The following DENND5B variants were observed in gnomAD, a reference collection of about 807,000 sequenced individuals.
DENND5B encodes the protein DENN domain-containing protein 5B.
In DENND5B, 34 loss-of-function variants were observed where a neutral mutation model predicts 140.6. The ratio of observed to expected loss-of-function variants is 0.24; its 90% CI spans 0.18 to 0.32. DENND5B has a LOEUF of 0.32. DENND5B is among the 10% of genes least tolerant of loss of function. The pLI, the probability that DENND5B is intolerant of heterozygous loss-of-function variation, is 1.00. For missense variants in DENND5B, 1,142 were observed against 1,560.2 expected (o/e 0.73, Z 4.52); for synonymous variants, 551 against 562.1 (o/e 0.98, Z 0.28).
intron 1 of DENND5B, among the ~76,000 whole-genome samples, chr12:31,499,107 A>C (rs1946900656): frequency 6.6e-6 from 1 of 152,116 alleles, no homozygotes; most frequent in East Asian, 1.9e-4. Context: ...TTCTCATTTT[A>C]AACACAAGTT....
chr12:31,443,746 G>A (rs1709013276), intron 6 of DENND5B: 1 of 152,176 alleles, frequency 6.6e-6, no homozygotes, highest in Admixed American at 6.5e-5. Flanking sequence ...AAGGAACGGT[G>A]TGAAGTTTAT....
intron 7 of DENND5B, among the ~76,000 whole-genome samples, chr12:31,438,082 T>A (rs555528193): frequency 6.6e-6 from 1 of 152,272 alleles, no homozygotes; most frequent in Non-Finnish European, 1.5e-5. Context: ...CTCAAGTGAT[T>A]CTCCTGCCTC....
intron 3 of DENND5B, among the ~76,000 whole-genome samples, chr12:31,473,445 T>C (rs1252869376): frequency 6.6e-6 from 1 of 152,238 alleles, no homozygotes; most frequent in Admixed American, 6.5e-5. Flanking sequence ...AGTGTCAATC[T>C]ACCCTTCAAG....
chr12:31,473,769 C>CT (rs1458870215), intron 3 of DENND5B, among the ~76,000 whole-genome samples: 1 of 152,170 alleles, frequency 6.6e-6, no homozygotes, highest in Non-Finnish European at 1.5e-5. Context: ...GAAAAACACT[C>CT]TAATGGGAGA....
chr12:31,446,728 T>C (rs1944290030), intron 6 of DENND5B, among the ~76,000 whole-genome samples: 1 of 151,016 alleles, frequency 6.6e-6, no homozygotes, highest in Non-Finnish European at 1.5e-5. Context: ...ACCCCGTCTC[T>C]ACTGAAAATT....
intron 1 of DENND5B, among the ~76,000 whole-genome samples, chr12:31,498,089 T>C (rs1591928158): frequency 6.6e-6 from 1 of 152,164 alleles, no homozygotes. Context: ...AAGCTGCTGA[T>C]AGTGTACTGA....
At chr12:31,579,679 A>C (rs1950145917) in intron 1 of DENND5B, among the ~76,000 whole-genome samples, 1 of 144,396 alleles carries the variant, frequency 6.9e-6, no homozygotes, top group Non-Finnish European at 1.5e-5. Flanking sequence ...ACACAGCGAG[A>C]TTCTGAGAAA....
At chr12:31,577,767 T>C (rs977886702) in intron 1 of DENND5B, among the ~76,000 whole-genome samples, 3 of 145,936 alleles carry the variant, frequency 2.1e-5, no homozygotes, top group Non-Finnish European at 4.5e-5. Context: ...GTTTAAAATC[T>C]AGAGGTCCAC....
intron 3 of DENND5B, among the ~76,000 whole-genome samples, chr12:31,463,399 A>G (rs189236799): frequency 2.6e-5 from 4 of 152,356 alleles, no homozygotes; most frequent in Admixed American, 6.5e-5. Context: ...CTCTGTGGCC[A>G]TCATTTCAAC....
chr12:31,553,494 A>G (rs1592037399), intron 1 of DENND5B, among the ~76,000 whole-genome samples: 1 of 152,102 alleles, frequency 6.6e-6, no homozygotes, highest in South Asian at 2.1e-4. Flanking sequence ...TATGTAGTCA[A>G]TTTTGGAGTA....
intron 11 of DENND5B, among the ~76,000 whole-genome samples, chr12:31,416,335 C>A (rs538307185): frequency 7.2e-5 from 11 of 151,954 alleles, no homozygotes; most frequent in African/African-American, 2.7e-4. Flanking sequence ...GTGATCTTGG[C>A]TCACTGCAAC....
At chr12:31,551,847 A>G (rs1949073771) in intron 1 of DENND5B, among the ~76,000 whole-genome samples, 1 of 152,238 alleles carries the variant, frequency 6.6e-6, no homozygotes, top group South Asian at 2.1e-4. Context: ...GAGTTCACTC[A>G]TGATTTGGCT....
At chr12:31,414,190 A>C (rs779293697) in intron 12 of DENND5B, among the ~76,000 whole-genome samples, 2 of 152,066 alleles carry the variant, frequency 1.3e-5, no homozygotes, top group Non-Finnish European at 2.9e-5. Flanking sequence ...CAGCCTCCCA[A>C]AGTGCATGAC....
intron 1 of DENND5B, among the ~76,000 whole-genome samples, chr12:31,512,009 T>C (rs1947440534): frequency 7.2e-6 from 1 of 138,396 alleles, no homozygotes; most frequent in Admixed American, 8.1e-5. Context: ...CTCTGCCTCC[T>C]GGGTTCAAGC....
At chr12:31,576,001 C>A (rs1950000766) in intron 1 of DENND5B, among the ~76,000 whole-genome samples, 1 of 151,464 alleles carries the variant, frequency 6.6e-6, no homozygotes, top group Admixed American at 6.6e-5. Flanking sequence ...GTTAACCAGG[C>A]ATGGTGGCAC....
intron 4 of DENND5B, among the ~76,000 whole-genome samples, chr12:31,459,728 A>G (rs1273300173): frequency 6.6e-6 from 1 of 152,202 alleles, no homozygotes; most frequent in African/African-American, 2.4e-5. Context: ...CTTGTATCTG[A>G]AAACAGAGAA....
At chr12:31,502,068 G>C (rs995541893) in intron 1 of DENND5B, among the ~76,000 whole-genome samples, 1 of 152,078 alleles carries the variant, frequency 6.6e-6, no homozygotes, top group African/African-American at 2.4e-5. Context: ...TGTAATCCTA[G>C]CACTTTGGGA....
chr12:31,417,835 A>G (rs1473532508), intron 11 of DENND5B, among the ~76,000 whole-genome samples: 1 of 152,228 alleles, frequency 6.6e-6, no homozygotes, highest in Non-Finnish European at 1.5e-5. Flanking sequence ...ATACACCTAT[A>G]TAAGTAGAAC....
At chr12:31,428,141 G>A (rs1210730947) in intron 8 of DENND5B, among the ~76,000 whole-genome samples, 2 of 151,900 alleles carry the variant, frequency 1.3e-5, no homozygotes, top group Non-Finnish European at 2.9e-5. Context: ...TGAAGCAGAG[G>A]CCAGGCATTC....
Sources: gnomAD v4.1 joint callset for allele counts (sites outside exome capture counted in the v4.1 genomes callset) on GRCh38, gnomAD v4.1.1 for gene constraint, MANE v1.5 for transcripts, NCBI Gene and HGNC (gene_info 2026-07-23, HGNC 2026-07-21) for gene names.